Variants in KIAA1549 observed in about 807,000 individuals in gnomAD.
The protein encoded by KIAA1549 is UPF0606 protein KIAA1549.
A neutral mutation model predicts 156.4 loss-of-function variants in KIAA1549; 70 were observed. The observed-to-expected ratio is 0.45, with a 90% confidence interval of 0.37 to 0.55. KIAA1549 has a LOEUF of 0.55. Among genes scored for constraint, KIAA1549 ranks in the 20% least tolerant of loss-of-function variants. The probability of loss-of-function intolerance (pLI) is 0.00; values close to 1 mark genes in which losing one functional copy is unlikely to be tolerated. For missense variants in KIAA1549, 2,428 were observed against 2,540.9 expected, an observed-to-expected ratio of 0.96 and a Z score of 0.96; for synonymous variants, 1,103 against 1,066.4, an observed-to-expected ratio of 1.03 and a Z score of -0.67.
At chr7:138,853,265 G>A (rs534188412) in intron 16 of KIAA1549, among the ~76,000 whole-genome samples, 1 of 152,264 alleles carries the variant, frequency 6.6e-6, no homozygotes, top group Admixed American at 6.5e-5. Flanking sequence ...GTCATTTACT[G>A]AATTAGTATT....
Position 138,917,140 on chromosome 7 carries a change from G to A in KIAA1549, c.2486C>T (p.Ser829Phe). The A allele has an allele frequency of 1.2e-6, 2 of 1,613,542 alleles. No homozygotes were observed. The highest frequency in any genetic ancestry group is 8.5e-7 in the Non-Finnish European group (1 of 1,179,706). The stretch of plus-strand genomic sequence containing the variant: ...CACCGTACCAGTGGGAATGGCTTTG[G>A]AGAAAGAGGCCAGGACAGACACGTG... ...DGHVSVLASFSKAIPTGTVLI... is the reference protein window; with the variant it reads ...DGHVSVLASFFKAIPTGTVLI... Residue 829 changes from serine to phenylalanine, a missense_variant, in exon 2 of 20, where the codon TCC becomes TTC. Around this residue, in one of 5 missense-constraint regions of KIAA1549, gnomAD observed 762 missense variants for 901.6 expected, o/e 0.85. Transcript: ENST00000422774.
At chr7:138,900,322 C>T (rs553372962) in intron 8 of KIAA1549, among the ~76,000 whole-genome samples, 1 of 152,326 alleles carries the variant, frequency 6.6e-6, no homozygotes, top group East Asian at 1.9e-4. Flanking sequence ...AACTCCCTCC[C>T]TGACAACGGT....
chr7:138,838,063 G>T lies in KIAA1549; in HGVS notation c.5696C>A (p.Pro1899His), dbSNP rs753733416. ...REPSAPSGNL[P>H]HRGLQGPGLG... is the part of the protein sequence containing the mutation. ...CCCAGGGCCCTGCAGTCCCCGGTGG[G>T]GGAGGTTCCCGGAAGGAGCTGAGGG... The change falls in exon 20 of 20, where the codon CCC (proline) becomes CAC (histidine). Residue 1899 changes from proline to histidine, a missense_variant. This residue lies in a region of KIAA1549 where 363 missense variants were observed against 354.0 expected (regional missense o/e 1.03). Coordinates refer to ENST00000422774, the MANE Select transcript of KIAA1549 (RefSeq NM_001164665.2). 6 of 1,596,242 alleles carry T rather than the reference G, an allele frequency of 3.8e-6. No homozygotes were observed. The African/African-American group carries it at 8.0e-5, about 21-fold the overall frequency.
In KIAA1549 at chr7:138,878,180, G is replaced by A. The variant is rs72503023; in HGVS notation, c.4345+1358C>T. On this transcript the variant is annotated intron_variant, in intron 12 of 19. Transcript: ENST00000422774. ...ACAAAAGAACCAAGTGGAAGGAGCT[G>A]GAAGGAACTTCAAGGACCAGCTAGT... Among the ~76,000 whole-genome samples, 101 of 152,336 alleles carry A rather than the reference G, an allele frequency of 6.6e-4. No individual in the cohort carries two copies. In the East Asian group the frequency reaches 0.016, roughly 24 times the overall value.
intron 15 of KIAA1549, among the ~76,000 whole-genome samples, chr7:138,865,314 C>T (rs772044168): frequency 1.3e-5 from 2 of 151,942 alleles, no homozygotes; most frequent in African/African-American, 2.4e-5. Flanking sequence ...TTACAAGGAA[C>T]CAAGGAATAT....
At chr7:138,854,205 C>T (rs1175203570) in intron 16 of KIAA1549, among the ~76,000 whole-genome samples, 3 of 152,174 alleles carry the variant, frequency 2.0e-5, no homozygotes, top group Non-Finnish European at 4.4e-5. Flanking sequence ...TTTAATGCAT[C>T]CCTTTTTTCT....
intron 1 of KIAA1549, among the ~76,000 whole-genome samples, chr7:138,932,109 T>G (rs1474828791): frequency 2.6e-5 from 4 of 152,198 alleles, no homozygotes; most frequent in Admixed American, 2.6e-4. Flanking sequence ...TGAACCAGTA[T>G]GGAAATCAAC....
At chr7:138,855,146 G>C (rs539370977) in intron 16 of KIAA1549, among the ~76,000 whole-genome samples, 37 of 152,184 alleles carry the variant, frequency 2.4e-4, no homozygotes, top group South Asian at 8.3e-4. Context: ...GAAGCAGAGA[G>C]AAGTAACAAT....
Position 138,831,987 on chromosome 7 carries a change from A to T in KIAA1549, c.*5919T>A, listed in dbSNP as rs1377583109. 4.3e-6 allele frequency: 1 copy of T among 232,248 alleles called. No homozygotes were observed. The highest frequency in any genetic ancestry group is 8.5e-6 in the Non-Finnish European group (1 of 117,490). 14.4% of individuals were successfully genotyped at this position (232,248 alleles called of 1,614,324 possible). On this transcript the variant is annotated 3_prime_UTR_variant, in exon 20 of 20. Transcript: ENST00000422774. ...CTTTCCCCACATTTGCAGGAGGAAC[A>T]GTACAGCATATGCGACTTGAACTTG...
chr7:138,904,701 G>GAA (rs11411016), intron 7 of KIAA1549, among the ~76,000 whole-genome samples: 6 of 140,382 alleles, frequency 4.3e-5, no homozygotes, highest in African/African-American at 7.9e-5. Context: ...AACACTTTTA[G>GAA]AAAAAAAAAA....
intron 1 of KIAA1549, among the ~76,000 whole-genome samples, chr7:138,978,599 CTA>C (rs1289407015): frequency 6.6e-6 from 1 of 152,138 alleles, no homozygotes; most frequent in East Asian, 1.9e-4. Flanking sequence ...AAGGTGGACT[CTA>C]TTGAACAAAA....
At chr7:138,937,102 G>A (rs6975505) in intron 1 of KIAA1549, among the ~76,000 whole-genome samples, 36,055 of 151,868 alleles carry the variant, frequency 0.24, 5,021 homozygotes, top group African/African-American at 0.39. Context: ...TCAGCTCCCC[G>A]TTCCCGCCTG....
At chr7:138,884,479 A>G (rs958112095) in intron 10 of KIAA1549, among the ~76,000 whole-genome samples, 1 of 152,166 alleles carries the variant, frequency 6.6e-6, no homozygotes, top group African/African-American at 2.4e-5. Context: ...GACCAGCATT[A>G]ATATTAAAAC....
Position 138,981,141 on chromosome 7 carries a change from C to G in KIAA1549, c.129G>C (p.Gly43=). 2.5e-6 allele frequency: 3 copies of G among 1,212,038 alleles called. No individual in the cohort carries two copies. The highest frequency in any genetic ancestry group is 3.1e-6 in the Non-Finnish European group (3 of 975,082). 75.1% of individuals were successfully genotyped at this position (1,212,038 alleles called of 1,614,324 possible). A position where few individuals can be genotyped will look rare whatever the true frequency, so the allele number is the denominator to read the frequency against. Residue 43 remains glycine (G), a synonymous_variant, in exon 1 of 20, where the codon GGG becomes GGC. Transcript: ENST00000422774. The surrounding 1 kb of genome is among the most constrained non-coding windows in gnomAD (Gnocchi z 4.5). ...GCAGCCAGAGGCCAGGAAGCAGCAGCCCCGGGCGGCGGCGGCGGGCGCAGC... is the reference window on the plus strand; with the variant it reads ...GCAGCCAGAGGCCAGGAAGCAGCAGGCCCGGGCGGCGGCGGCGGGCGCAGC... ...SARCARRRRP[G]LLLPGLWLLL...
rs528967413 is a variant in KIAA1549 at position 138,897,209 on chromosome 7, C to T, written c.3847+1746G>A. 7.9e-5 allele frequency among the ~76,000 whole-genome samples: 12 copies of T among 152,274 alleles called. No individual in the cohort carries two copies. The South Asian group carries it at 1.2e-3, about 16-fold the overall frequency. On this transcript the variant is annotated intron_variant, in intron 9 of 19. Coordinates refer to ENST00000422774, the MANE Select transcript of KIAA1549 (RefSeq NM_001164665.2). ...GAATCGCATATATGAAGAACTGTAA[C>T]GAAGTGCTTTTGCTATTTTTTGCTC...
chr7:138,908,992 T>A lies in KIAA1549; in HGVS notation c.3275A>T (p.Gln1092Leu), dbSNP rs201583319. 89 of 1,613,994 alleles carry A rather than the reference T, an allele frequency of 5.5e-5. No individual in the cohort carries two copies. The African/African-American group carries it at 9.3e-4, about 17-fold the overall frequency. Residue 1092 changes from glutamine to leucine, a missense_variant and splice_region_variant, in exon 5 of 20, where the codon CAG becomes CTG. Gln to Leu is a moderately radical substitution (Grantham distance 113). This residue lies in a region of KIAA1549 where 762 missense variants were observed against 901.6 expected (regional missense o/e 0.85). Transcript: ENST00000422774. ...HHQGTYNLTVQILNITISSSR... is the reference protein window; with the variant it reads ...HHQGTYNLTVLILNITISSSR... The stretch of plus-strand genomic sequence containing the variant: ...CTCTGCATTCAGTGATATTCTCACC[T>A]GCACCGTGAGGTTATACGTTCCCTG...
intron 7 of KIAA1549, among the ~76,000 whole-genome samples, chr7:138,904,621 C>CAAAAAA (rs768150554): frequency 4.4e-5 from 2 of 45,726 alleles, no homozygotes; most frequent in African/African-American, 1.2e-4. Flanking sequence ...TCCCCTAAGA[C>CAAAAAA]AAAAAAAAAA....
At chr7:138,924,719 G>C (rs1251536577) in intron 1 of KIAA1549, among the ~76,000 whole-genome samples, 2 of 152,248 alleles carry the variant, frequency 1.3e-5, no homozygotes, top group South Asian at 4.2e-4. Flanking sequence ...CAGTGCCAAA[G>C]GGAATCACTT....
intron 17 of KIAA1549, among the ~76,000 whole-genome samples, chr7:138,846,888 T>C (rs1435607304): frequency 6.6e-6 from 1 of 152,220 alleles, no homozygotes; most frequent in Non-Finnish European, 1.5e-5. Context: ...TTCTAGAGTA[T>C]ATCTCATAAA....
Sources: allele counts gnomAD v4.1 joint callset (sites outside exome capture counted in the v4.1 genomes callset), GRCh38; gene constraint gnomAD v4.1.1; regional missense constraint gnomAD v4.1.1; non-coding constraint Gnocchi (gnomAD v3.1); transcripts MANE v1.5; gene names NCBI Gene and HGNC (gene_info 2026-07-23, HGNC 2026-07-21).